PARL: variants seen among roughly 807,000 people sequenced by gnomAD.
The protein encoded by PARL is presenilin-associated rhomboid-like protein, mitochondrial.
PARL carries 44 observed loss-of-function variants against 51.6 expected under a neutral mutation model. The observed-to-expected ratio is 0.85, with a 90% CI of 0.67 to 1.10. The LOEUF (loss-of-function observed/expected upper bound fraction) is 1.10. PARL is among the 50% of genes least tolerant of loss of function. The probability of loss-of-function intolerance (pLI) is 0.00; values close to 1 mark genes in which losing one functional copy is unlikely to be tolerated. For missense variants in PARL, 441 were observed against 469.5 expected (o/e 0.94, Z 0.56); for synonymous variants, 172 against 164.0 (o/e 1.05, Z -0.37).
At chr3:183,833,854 G>A (rs781106497) in intron 7 of PARL, 29 bp from the exon 8 acceptor site, 1 of 1,411,626 alleles carries the variant, frequency 7.1e-7, no homozygotes, top group Non-Finnish European at 1.0e-6. Flanking sequence ...GGGAGAATGG[G>A]AAACTCAATA....
At chr3:183,880,473 C>G (rs187026180) in intron 1 of PARL, among the ~76,000 whole-genome samples, 1 of 152,092 alleles carries the variant, frequency 6.6e-6, no homozygotes, top group Non-Finnish European at 1.5e-5. Context: ...GTGATCTCGG[C>G]TCACTGCAAC....
intron 1 of PARL, among the ~76,000 whole-genome samples, chr3:183,875,878 T>C (rs930400854): frequency 1.3e-5 from 2 of 152,200 alleles, no homozygotes; most frequent in African/African-American, 4.8e-5. Flanking sequence ...CATTAGGCAC[T>C]AATGCTGTTG....
intron 4 of PARL, 158 bp downstream of exon 4, chr3:183,862,595 T>G (rs930622321): frequency 6.1e-6 from 4 of 658,826 alleles, no homozygotes; most frequent in Non-Finnish European, 1.1e-5. Flanking sequence ...CCTTTATACC[T>G]CACCACTTTA....
chr3:183,882,288 C>G (rs1414034910), intron 1 of PARL, among the ~76,000 whole-genome samples: 1 of 89,268 alleles, frequency 1.1e-5, no homozygotes, highest in Non-Finnish European at 2.3e-5. Flanking sequence ...TATATACACA[C>G]ACACATATAT....
chr3:183,845,285 T>C (rs1040650866), intron 4 of PARL, among the ~76,000 whole-genome samples: 2 of 152,202 alleles, frequency 1.3e-5, no homozygotes, highest in African/African-American at 4.8e-5. Flanking sequence ...TTGCTCATTC[T>C]GTAAGGTTCT....
At chr3:183,880,514 TCCTC>T (rs1734322145) in intron 1 of PARL, among the ~76,000 whole-genome samples, 1 of 151,858 alleles carries the variant, frequency 6.6e-6, no homozygotes, top group Non-Finnish European at 1.5e-5. Context: ...CGATTCTCCT[TCCTC>T]AGCCTCCCAA....
At chr3:183,851,004 C>T (rs574597497) in intron 4 of PARL, among the ~76,000 whole-genome samples, 10 of 152,268 alleles carry the variant, frequency 6.6e-5, no homozygotes, top group South Asian at 2.1e-4. Flanking sequence ...CATACGATTA[C>T]GGTCACCTGA....
intron 3 of PARL, 142 bp from the exon 4 acceptor site, chr3:183,862,943 G>A (rs1577353654): frequency 4.1e-6 from 3 of 730,478 alleles, no homozygotes; most frequent in Non-Finnish European, 7.3e-6. Context: ...ATAAATACGT[G>A]GTAGAGTGGA....
rs548026100 is a variant in PARL, at chr3:183,860,711, T to C, written c.511+2042A>G. 2.6e-5 allele frequency among the ~76,000 whole-genome samples: 4 copies of C among 152,204 alleles called. 1 individual carries two copies. The South Asian group carries it at 8.3e-4, about 32-fold the overall frequency. On this transcript the variant is annotated intron_variant, in intron 4 of 9. Coordinates refer to ENST00000317096, the MANE Select transcript of PARL (RefSeq NM_018622.7). ...TCTTCATATGTTAAATGGCATAAAATCATGACCACCTTCAAAGAATGTGAG... is the reference window on the plus strand; with the variant it reads ...TCTTCATATGTTAAATGGCATAAAACCATGACCACCTTCAAAGAATGTGAG...
chr3:183,842,353 G>A lies in PARL; in HGVS notation c.702C>T (p.Ser234=). ...CTTGACCCAGAATGTTCACTATGCTGGAAGAGAAGCTCCACAAAACATACA... is the reference window on the plus strand; with the variant it reads ...CTTGACCCAGAATGTTCACTATGCTAGAAGAGAAGCTCCACAAAACATACA... ...ANMYVLWSFS[S]SIVNILGQEQ... is the part of the protein sequence containing the mutation. The change falls in exon 6 of 10, where the codon TCC becomes TCT. Residue 234 remains serine, a synonymous_variant. Coordinates refer to ENST00000317096, the MANE Select transcript of PARL (RefSeq NM_018622.7). The A allele has an allele frequency of 6.2e-7, 1 of 1,613,638 alleles. No homozygotes were observed. Among genetic ancestry groups the A allele is most frequent in the Non-Finnish European group, 8.5e-7 (1 of 1,179,868 alleles).
intron 4 of PARL, among the ~76,000 whole-genome samples, chr3:183,848,572 C>G (rs750354208): frequency 3.5e-4 from 54 of 152,184 alleles, no homozygotes; most frequent in Non-Finnish European, 7.2e-4. Context: ...TCTTGAAAAC[C>G]GAGGTAGCTG....
Position 183,868,050 on chromosome 3 carries a change from A to T in PARL, c.136T>A (p.Phe46Ile). The T allele has an allele frequency of 1.9e-6, 3 of 1,614,024 alleles. No individual in the cohort carries two copies. Among genetic ancestry groups the T allele is most frequent in the Non-Finnish European group, 2.5e-6 (3 of 1,179,870 alleles). ...CTGAATCCGCATTTTTGTTGAATAA[A>T]GAAGTTAAACCTATGGGGCAAAAAT... ...PQLLGRRFNF[F>I]IQQKCGFRKA... Residue 46 changes from phenylalanine to isoleucine, a missense_variant, in exon 2 of 10, where the codon TTT (phenylalanine) becomes ATT (isoleucine). Transcript: ENST00000317096.
intron 9 of PARL, among the ~76,000 whole-genome samples, chr3:183,833,156 G>A (rs1728149680): frequency 6.6e-6 from 1 of 152,188 alleles, no homozygotes; most frequent in Non-Finnish European, 1.5e-5. Context: ...AGGAGGGCAG[G>A]AAAGTCTGAA....
At chr3:183,838,047 G>C (rs1728848630) in intron 7 of PARL, among the ~76,000 whole-genome samples, 2 of 149,922 alleles carry the variant, frequency 1.3e-5, no homozygotes, top group African/African-American at 2.5e-5. Flanking sequence ...TTTGAGATGG[G>C]GTCTCGCTAT....
At chr3:183,883,712 T>G (rs920781777) in intron 1 of PARL, 13 of 984,342 alleles carry the variant, frequency 1.3e-5, no homozygotes, top group Non-Finnish European at 1.4e-5. Flanking sequence ...ATACAATGTA[T>G]GTAAAGTTTT....
intron 5 of PARL, among the ~76,000 whole-genome samples, chr3:183,843,516 A>AAAAAT (rs890464102): frequency 2.0e-5 from 3 of 152,100 alleles, no homozygotes; most frequent in African/African-American, 2.4e-5. Flanking sequence ...CCCTGTCTCA[A>AAAAAT]AAAATAAAAT....
At chr3:183,847,232 T>G (rs1310834427) in intron 4 of PARL, among the ~76,000 whole-genome samples, 1 of 152,184 alleles carries the variant, frequency 6.6e-6, no homozygotes, top group Non-Finnish European at 1.5e-5. Context: ...TTGTTTCCTC[T>G]TCTGTAAAAT....
At chr3:183,869,533 A>T (rs2108685020) in intron 1 of PARL, among the ~76,000 whole-genome samples, 1 of 152,144 alleles carries the variant, frequency 6.6e-6, no homozygotes, top group East Asian at 1.9e-4. Flanking sequence ...AAGGGATAAT[A>T]ATGTATATTA....
intron 3 of PARL, among the ~76,000 whole-genome samples, chr3:183,865,548 A>G (rs1481990613): frequency 6.6e-6 from 1 of 152,132 alleles, no homozygotes; most frequent in Admixed American, 6.6e-5. Flanking sequence ...ACATGAATGC[A>G]AACCCTACTG....
Sources: gnomAD v4.1 joint callset for allele counts (sites outside exome capture counted in the v4.1 genomes callset) on GRCh38, gnomAD v4.1.1 for gene constraint, MANE v1.5 for transcripts, NCBI Gene and HGNC (gene_info 2026-07-23, HGNC 2026-07-21) for gene names.